IL1RAPL1: variants seen among roughly 807,000 people sequenced by gnomAD.
IL1RAPL1 encodes interleukin-1 receptor accessory protein-like 1.
A neutral mutation model predicts 48.4 loss-of-function variants in IL1RAPL1; 3 were observed. The observed-to-expected ratio is 0.06, with a 90% CI of 0.03 to 0.16. The LOEUF (loss-of-function observed/expected upper bound fraction) is 0.16, where lower values mean the gene tolerates loss of function less well. Among genes scored for constraint, IL1RAPL1 ranks in the 10% least tolerant of loss-of-function variants. The pLI is 1.00. For synonymous variants in IL1RAPL1, 185 were observed against 187.7 expected (o/e 0.99, Z 0.12); for missense variants, 349 against 530.6 (o/e 0.66, Z 3.36).
intron 2 of IL1RAPL1, among the ~76,000 whole-genome samples, chrX:28,869,051 A>AT (rs1161179998): frequency 8.9e-6 from 1 of 112,727 alleles, no homozygotes; most frequent in Non-Finnish European, 1.9e-5. Flanking sequence ...TATGAGGAGA[A>AT]TTTATTAATT....
chrX:28,887,328 C>T (rs773441261), intron 2 of IL1RAPL1, among the ~76,000 whole-genome samples: 2 of 111,874 alleles, frequency 1.8e-5, no homozygotes, highest in South Asian at 7.4e-4. Flanking sequence ...AAAATGCCAG[C>T]GCCTTGATGT....
chrX:29,424,329 AAAG>A (rs1934325049), intron 5 of IL1RAPL1, among the ~76,000 whole-genome samples: 1 of 109,842 alleles, frequency 9.1e-6, no homozygotes, highest in African/African-American at 3.3e-5. Flanking sequence ...AAAAAAAAAA[AAAG>A]CAGATGTAGG....
At chrX:29,706,721 G>T (rs1468033947) in intron 6 of IL1RAPL1, among the ~76,000 whole-genome samples, 2 of 111,841 alleles carry the variant, frequency 1.8e-5, no homozygotes, top group Admixed American at 9.5e-5. Flanking sequence ...TTAACAAATG[G>T]TGCTGGGATA....
intron 5 of IL1RAPL1, among the ~76,000 whole-genome samples, chrX:29,610,226 A>G (rs1356564856): frequency 1.8e-5 from 2 of 111,844 alleles, no homozygotes; most frequent in Non-Finnish European, 3.8e-5. Context: ...CCTGACAATG[A>G]GAGAGAATAA....
At chrX:29,420,899 T>C (rs1156507781) in intron 5 of IL1RAPL1, among the ~76,000 whole-genome samples, 1 of 111,916 alleles carries the variant, frequency 8.9e-6, no homozygotes, top group African/African-American at 3.2e-5. Flanking sequence ...TAGTAGGTAA[T>C]AATCCTAATG....
In IL1RAPL1 at chrX:28,971,908, G is replaced by GTA. The variant is rs757701922; in HGVS notation, c.82+182484_82+182485insAT. Among the ~76,000 whole-genome samples the GTA allele has an allele frequency of 2.8e-3, 304 of 108,504 alleles. 2 individuals are homozygous for GTA. Among genetic ancestry groups the GTA allele is most frequent in the Non-Finnish European group, 4.8e-3 (250 of 52,335 alleles). 94.2% of individuals were successfully genotyped at this position (108,504 alleles called of 115,157 possible). A position where few individuals can be genotyped will look rare whatever the true frequency, so the allele number is the denominator to read the frequency against. ...TGTGTGTGTGTGTGTGTGTGTGTGT[G>GTA]TGTGTGTGTATTTCTGTAACAGTTT... On this transcript the variant is annotated intron_variant, in intron 2 of 10. Transcript: ENST00000378993.
At chrX:28,901,312 T>G (rs1367417757) in intron 2 of IL1RAPL1, among the ~76,000 whole-genome samples, 1 of 112,231 alleles carries the variant, frequency 8.9e-6, no homozygotes, top group Admixed American at 9.4e-5. Context: ...CCCTCTTGTT[T>G]CACTGTTACT....
intron 8 of IL1RAPL1, among the ~76,000 whole-genome samples, chrX:29,927,078 G>A (rs985476419): frequency 8.9e-6 from 1 of 111,955 alleles, no homozygotes; most frequent in Non-Finnish European, 1.9e-5. Context: ...AAAGCCCCTA[G>A]ACCAGTGCTT....
chrX:29,925,285 C>T (rs1932876578), intron 8 of IL1RAPL1, among the ~76,000 whole-genome samples: 2 of 109,096 alleles, frequency 1.8e-5, no homozygotes, highest in African/African-American at 6.7e-5. Flanking sequence ...TATGCAGTGC[C>T]AAAATATTAA....
intron 2 of IL1RAPL1, among the ~76,000 whole-genome samples, chrX:29,040,087 C>T (rs1340255950): frequency 1.8e-5 from 2 of 112,213 alleles, no homozygotes; most frequent in Non-Finnish European, 1.9e-5. Flanking sequence ...GTTATTACAA[C>T]GGTCAGTTAC....
intron 3 of IL1RAPL1, among the ~76,000 whole-genome samples, chrX:29,300,705 A>G (rs772685991): frequency 2.7e-5 from 3 of 112,272 alleles, no homozygotes; most frequent in Non-Finnish European, 5.6e-5. Flanking sequence ...GATAGCTAGT[A>G]CAAAAGAATA....
chrX:28,898,253 C>A (rs1922983705), intron 2 of IL1RAPL1, among the ~76,000 whole-genome samples: 1 of 111,877 alleles, frequency 8.9e-6, no homozygotes, highest in East Asian at 2.8e-4. Flanking sequence ...TCCTTTGAAA[C>A]ACAAGATTTT....
intron 2 of IL1RAPL1, among the ~76,000 whole-genome samples, chrX:28,963,709 T>G (rs1290098802): frequency 9.0e-6 from 1 of 111,060 alleles, no homozygotes; most frequent in African/African-American, 3.3e-5. Context: ...TGGCGTTGAT[T>G]TTAACTGCTC....
At chrX:29,122,484 T>C (rs187037316) in intron 2 of IL1RAPL1, among the ~76,000 whole-genome samples, 721 of 65,977 alleles carry the variant, frequency 0.011, 11 homozygotes, top group African/African-American at 0.043. Flanking sequence ...CACACACACT[T>C]CTTTCTTTGC....
chrX:28,739,007 A>G (rs957023860), intron 1 of IL1RAPL1, among the ~76,000 whole-genome samples: 2 of 110,674 alleles, frequency 1.8e-5, no homozygotes, highest in Admixed American at 9.7e-5. Context: ...CTTTGGTGAC[A>G]CTCCATTAGC....
intron 2 of IL1RAPL1, among the ~76,000 whole-genome samples, chrX:29,034,629 A>G (rs1387118837): frequency 2.7e-5 from 3 of 111,401 alleles, no homozygotes; most frequent in African/African-American, 9.8e-5. Context: ...CTGGAGTAAC[A>G]TTTATACTAG....
chrX:29,840,652 C>T (rs748727496), intron 6 of IL1RAPL1, among the ~76,000 whole-genome samples: 33 of 111,857 alleles, frequency 3.0e-4, no homozygotes, highest in Admixed American at 6.7e-4. Flanking sequence ...TCATGACTGA[C>T]AGAACCTCTC....
At position 28,803,334 on chromosome X, in the gene IL1RAPL1, C is replaced by T. The variant is rs535939050; in HGVS notation, c.82+13909C>T. Among the ~76,000 whole-genome samples, 7 of 110,532 alleles carry T rather than the reference C, an allele frequency of 6.3e-5. No individual in the cohort carries two copies. The South Asian group carries it at 2.6e-3, about 42-fold the overall frequency. On this transcript the variant is annotated intron_variant, in intron 2 of 10. Coordinates refer to ENST00000378993, the MANE Select transcript of IL1RAPL1 (RefSeq NM_014271.4). ...CTTGTGTGGATAGATGTGTGCTTCA[C>T]GACTTAGGTTTTCCTGCTGGTCTAT...
At chrX:28,883,393 T>C (rs1922553035) in intron 2 of IL1RAPL1, among the ~76,000 whole-genome samples, 1 of 112,189 alleles carries the variant, frequency 8.9e-6, no homozygotes, top group African/African-American at 3.2e-5. Flanking sequence ...TATTGTCCAA[T>C]AGGGTAATGA....
Sources: allele counts gnomAD v4.1 joint callset (sites outside exome capture counted in the v4.1 genomes callset), GRCh38; gene constraint gnomAD v4.1.1; transcripts MANE v1.5; gene names NCBI Gene and HGNC (gene_info 2026-07-23, HGNC 2026-07-21).